The following ROR1 variants were observed in gnomAD, a reference collection of about 807,000 sequenced individuals.
ROR1 encodes the protein ROR family WNT receptor 1, also known as inactive tyrosine-protein kinase transmembrane receptor ROR1.
Under a neutral mutation model 78.8 loss-of-function variants are expected in ROR1, and 19 were observed. That is an observed-to-expected ratio of 0.24 (90% CI 0.17 to 0.35). ROR1 has a LOEUF of 0.35. ROR1 is among the 10% of genes least tolerant of loss of function. The pLI, the probability that ROR1 is intolerant of heterozygous loss-of-function variation, is 1.00. For missense variants in ROR1, 917 were observed against 1,177.8 expected, an observed-to-expected ratio of 0.78 and a Z score of 3.24; for synonymous variants, 386 against 433.6, an observed-to-expected ratio of 0.89 and a Z score of 1.36.
chr1:63,918,974 G>A (rs1189327756), intron 1 of ROR1, among the ~76,000 whole-genome samples: 1 of 150,844 alleles, frequency 6.6e-6, no homozygotes, highest in East Asian at 2.0e-4. Context: ...AGTTAGCCTT[G>A]AAAGTTCAGT....
At chr1:64,159,244 C>G in intron 8 of ROR1, 52 bp downstream of exon 8, 1 of 1,364,972 alleles carries the variant, frequency 7.3e-7, no homozygotes. Flanking sequence ...CAAGTTAAAG[C>G]ACCATGTTAT....
At chr1:63,829,925 AG>A (rs1215596442) in intron 1 of ROR1, among the ~76,000 whole-genome samples, 8 of 152,100 alleles carry the variant, frequency 5.3e-5, no homozygotes, top group Admixed American at 3.3e-4. Flanking sequence ...AAACAGTGAA[AG>A]GGCCTTCCAG....
chr1:63,954,152 T>C (rs1197701270), intron 1 of ROR1, among the ~76,000 whole-genome samples: 1 of 152,228 alleles, frequency 6.6e-6, no homozygotes, highest in African/African-American at 2.4e-5. Flanking sequence ...GAGTAATCCA[T>C]GCAGGGCTTT....
intron 1 of ROR1, among the ~76,000 whole-genome samples, chr1:63,797,098 C>G (rs989714946): frequency 6.6e-6 from 1 of 152,158 alleles, no homozygotes; most frequent in African/African-American, 2.4e-5. Context: ...TTCTTTCTTA[C>G]TTGAAGCTGG....
chr1:64,081,978 T>C (rs1647106381), intron 4 of ROR1, among the ~76,000 whole-genome samples: 1 of 152,202 alleles, frequency 6.6e-6, no homozygotes, highest in Non-Finnish European at 1.5e-5. Flanking sequence ...TATACAATAA[T>C]TCTTTTCCCT....
intron 1 of ROR1, among the ~76,000 whole-genome samples, chr1:63,925,723 G>A (rs1363982445): frequency 6.7e-6 from 1 of 148,412 alleles, no homozygotes; most frequent in African/African-American, 2.5e-5. Context: ...GTGTGAGATG[G>A]TATCTCATTG....
chr1:63,832,562 C>T (rs1258293974), intron 1 of ROR1, among the ~76,000 whole-genome samples: 1 of 152,184 alleles, frequency 6.6e-6, no homozygotes, highest in Non-Finnish European at 1.5e-5. Context: ...TTGGGAATCA[C>T]TTAACTTCCC....
intron 8 of ROR1, among the ~76,000 whole-genome samples, chr1:64,169,144 A>G (rs1018927212): frequency 3.3e-5 from 5 of 152,248 alleles, no homozygotes; most frequent in African/African-American, 1.2e-4. Context: ...AAAGAGAAAA[A>G]GGACCTGGGA....
At chr1:63,904,175 C>T (rs1041643293) in intron 1 of ROR1, among the ~76,000 whole-genome samples, 6 of 152,136 alleles carry the variant, frequency 3.9e-5, no homozygotes, top group African/African-American at 1.4e-4. Flanking sequence ...TGCGATGATA[C>T]AGGAAGTGAA....
chr1:63,833,360 T>G (rs1645000308), intron 1 of ROR1, among the ~76,000 whole-genome samples: 1 of 152,140 alleles, frequency 6.6e-6, no homozygotes, highest in Non-Finnish European at 1.5e-5. Flanking sequence ...AGACCACCCT[T>G]GGGGTATTAA....
In ROR1 at chr1:64,031,110, C is replaced by T. The variant is rs529985551; in HGVS notation, c.164-18581C>T. On this transcript the variant is annotated intron_variant, in intron 2 of 8. Coordinates refer to ENST00000371079, the MANE Select transcript of ROR1 (RefSeq NM_005012.4). ...CCTGAACTCTTGGACTTGAGCAACC[C>T]GCCCGCCTCTGCCTCCCAAAATGCT... Among the ~76,000 whole-genome samples, 75 of 152,278 alleles carry T rather than the reference C, an allele frequency of 4.9e-4. 1 individual carries two copies. Among genetic ancestry groups the T allele is most frequent in the Middle Eastern group, 6.8e-3 (2 of 294 alleles).
chr1:63,920,246 A>T (rs1645643729), intron 1 of ROR1, among the ~76,000 whole-genome samples: 1 of 152,166 alleles, frequency 6.6e-6, no homozygotes, highest in Non-Finnish European at 1.5e-5. Context: ...TAAACAACAA[A>T]ACAGCACCCA....
intron 2 of ROR1, among the ~76,000 whole-genome samples, chr1:64,014,867 G>A (rs1039778336): frequency 4.1e-5 from 6 of 146,374 alleles, no homozygotes; most frequent in African/African-American, 1.3e-4. Context: ...TATAAACATG[G>A]GCTCTAAAGT....
chr1:63,856,168 T>C (rs1645147201), intron 1 of ROR1, among the ~76,000 whole-genome samples: 1 of 152,188 alleles, frequency 6.6e-6, no homozygotes, highest in African/African-American at 2.4e-5. Flanking sequence ...CATTGTGAAT[T>C]TTCCTTGTTG....
chr1:64,062,380 T>C (rs1282930964), intron 4 of ROR1, among the ~76,000 whole-genome samples: 1 of 152,108 alleles, frequency 6.6e-6, no homozygotes, highest in Non-Finnish European at 1.5e-5. Context: ...GGCACAATCT[T>C]GGCTCACTGC....
chr1:63,939,656 T>C (rs76151932), intron 1 of ROR1, among the ~76,000 whole-genome samples: 2,031 of 152,270 alleles, frequency 0.013, 43 homozygotes, highest in African/African-American at 0.047. Context: ...TTACCTCGAA[T>C]AGGGAACATT....
intron 4 of ROR1, among the ~76,000 whole-genome samples, chr1:64,053,287 A>G (rs1469744915): frequency 2.0e-5 from 3 of 152,186 alleles, no homozygotes; most frequent in African/African-American, 7.2e-5. Flanking sequence ...AGGTCCACTG[A>G]GGCAACAGGG....
intron 1 of ROR1, among the ~76,000 whole-genome samples, chr1:63,816,810 G>A (rs1374155749): frequency 6.6e-6 from 1 of 152,118 alleles, no homozygotes; most frequent in African/African-American, 2.4e-5. Flanking sequence ...CTGTTTTATG[G>A]GCTTTTTGTA....
In ROR1 at chr1:64,152,268, A is replaced by T. The variant is rs116246795; in HGVS notation, c.1175-6713A>T. Among the ~76,000 whole-genome samples, 454 of 152,272 alleles carry T rather than the reference A, an allele frequency of 3.0e-3. 4 individuals are homozygous for T. The highest frequency in any genetic ancestry group is 0.011 in the African/African-American group (437 of 41,558). The stretch of plus-strand genomic sequence containing the variant: ...TTCATTTGATTTTCTCTTTGGCCTA[A>T]AGATCACATGGGTCCTCCTACATTT... On this transcript the variant is annotated intron_variant, in intron 7 of 8. Coordinates refer to ENST00000371079, the MANE Select transcript of ROR1 (RefSeq NM_005012.4).
Sources: gnomAD v4.1 joint callset for allele counts (sites outside exome capture counted in the v4.1 genomes callset) on GRCh38, gnomAD v4.1.1 for gene constraint, MANE v1.5 for transcripts, NCBI Gene and HGNC (gene_info 2026-07-23, HGNC 2026-07-21) for gene names.